UBE3D: variants seen among roughly 807,000 people sequenced by gnomAD.
The protein encoded by UBE3D is ubiquitin protein ligase E3D, also known as E3 ubiquitin-protein ligase E3D.
In UBE3D, 48 loss-of-function variants were observed where a neutral mutation model predicts 49.6. That is an observed-to-expected ratio of 0.97 (90% CI 0.77 to 1.23). The LOEUF is 1.23. Among genes scored for constraint, UBE3D ranks in the 50% most tolerant of loss-of-function variants. The probability of loss-of-function intolerance (pLI) is 0.00; values close to 1 mark genes in which losing one functional copy is unlikely to be tolerated. For missense variants in UBE3D, 452 were observed against 468.4 expected, an observed-to-expected ratio of 0.96 and a Z score of 0.32; for synonymous variants, 189 against 174.2, an observed-to-expected ratio of 1.08 and a Z score of -0.67.
At chr6:83,044,333 A>C in intron 4 of UBE3D, 95 bp downstream of exon 4, 1 of 1,185,902 alleles carries the variant, frequency 8.4e-7, no homozygotes. Context: ...CCTTTACAGC[A>C]GTCTATGTAA....
intron 8 of UBE3D, among the ~76,000 whole-genome samples, chr6:82,987,695 C>T (rs541518468): frequency 6.6e-6 from 1 of 152,260 alleles, no homozygotes; most frequent in South Asian, 2.1e-4. Context: ...TGAAGATGTA[C>T]TCTAAGGTCC....
chr6:82,943,510 C>T (rs1054201866), intron 9 of UBE3D, among the ~76,000 whole-genome samples: 10 of 152,008 alleles, frequency 6.6e-5, no homozygotes, highest in Non-Finnish European at 1.2e-4. Flanking sequence ...GTGGCATGTA[C>T]CCGTAGTCCC....
intron 8 of UBE3D, among the ~76,000 whole-genome samples, chr6:83,011,400 T>A (rs2127759379): frequency 1.3e-5 from 2 of 152,278 alleles, no homozygotes; most frequent in South Asian, 4.1e-4. Context: ...AGGTTGTGGT[T>A]TTTTTCCTGG....
chr6:82,950,320 T>C (rs924232869), intron 9 of UBE3D, among the ~76,000 whole-genome samples: 9 of 152,172 alleles, frequency 5.9e-5, no homozygotes, highest in African/African-American at 2.2e-4. Flanking sequence ...CAGGATATCA[T>C]CTCACACCAG....
At chr6:82,959,949 T>A (rs987869322) in intron 8 of UBE3D, among the ~76,000 whole-genome samples, 1 of 152,006 alleles carries the variant, frequency 6.6e-6, no homozygotes, top group Non-Finnish European at 1.5e-5. Context: ...AAATAGTTAA[T>A]CCTCTGGGAA....
intron 8 of UBE3D, among the ~76,000 whole-genome samples, chr6:83,015,059 G>A (rs1780602803): frequency 6.6e-6 from 1 of 152,126 alleles, no homozygotes; most frequent in Non-Finnish European, 1.5e-5. Flanking sequence ...TGACAGCTGA[G>A]TGCCACAACT....
intron 9 of UBE3D, among the ~76,000 whole-genome samples, chr6:82,946,298 C>T (rs1775395749): frequency 6.6e-6 from 1 of 151,960 alleles, no homozygotes; most frequent in South Asian, 2.1e-4. Context: ...AGATCCAATA[C>T]ACCTAGCAGC....
At chr6:82,993,050 C>T (rs1007392843) in intron 8 of UBE3D, among the ~76,000 whole-genome samples, 1 of 150,938 alleles carries the variant, frequency 6.6e-6, no homozygotes. Context: ...TATGAATACA[C>T]AAATAAATAA....
chr6:83,054,934 C>G (rs906842565), intron 2 of UBE3D, among the ~76,000 whole-genome samples: 1 of 152,320 alleles, frequency 6.6e-6, no homozygotes, highest in Non-Finnish European at 1.5e-5. Flanking sequence ...CAGGCGTGAG[C>G]CACCGTGCCC....
chr6:82,974,401 A>G (rs1313371723), intron 8 of UBE3D, among the ~76,000 whole-genome samples: 1 of 152,138 alleles, frequency 6.6e-6, no homozygotes, highest in East Asian at 1.9e-4. Flanking sequence ...GGTGCTCGCT[A>G]CACCCTTAAA....
rs951202930 is a variant in UBE3D, at chr6:82,923,407, C to T, written c.1150-30365G>A. Among the ~76,000 whole-genome samples the T allele has an allele frequency of 8.5e-5, 13 of 152,198 alleles. No homozygotes were observed. In the East Asian group the frequency reaches 2.1e-3, roughly 25 times the overall value. Reference sequence around the variant, plus strand: ...AAAAAGGATGAGTTCATGTCCTTTGCAGGCACACAGATGAAGCTAGAAACC... The same window carrying T: ...AAAAAGGATGAGTTCATGTCCTTTGTAGGCACACAGATGAAGCTAGAAACC... On this transcript the variant is annotated intron_variant, in intron 9 of 9. Coordinates refer to ENST00000369747, the MANE Select transcript of UBE3D (RefSeq NM_198920.3).
In UBE3D at chr6:82,892,845, A is replaced by C; in HGVS notation, c.*177T>G. Reference sequence around the variant, plus strand: ...CTGGGTTTTCAAAGATCTAAAGTTAACTCTTCTCTTAGAGAATACATGCAA... The same window carrying C: ...CTGGGTTTTCAAAGATCTAAAGTTACCTCTTCTCTTAGAGAATACATGCAA... On this transcript the variant is annotated 3_prime_UTR_variant, in exon 10 of 10. Transcript: ENST00000369747. 1 of 742,954 alleles carries C rather than the reference A, an allele frequency of 1.3e-6. No homozygotes were observed. The highest frequency in any genetic ancestry group is 2.3e-6 in the Non-Finnish European group (1 of 435,822). 46.0% of individuals were successfully genotyped at this position (742,954 alleles called of 1,614,324 possible).
Position 83,027,223 on chromosome 6 carries a change from G to A in UBE3D, c.668-3185C>T, listed in dbSNP as rs144465782. Among the ~76,000 whole-genome samples, 1,475 of 151,668 alleles carry A rather than the reference G, an allele frequency of 9.7e-3. 30 individuals carry two copies. Among genetic ancestry groups the A allele is most frequent in the African/African-American group, 0.034 (1,398 of 41,342 alleles). On this transcript the variant is annotated intron_variant, in intron 5 of 9. Coordinates refer to ENST00000369747, the MANE Select transcript of UBE3D (RefSeq NM_198920.3). Reference sequence around the variant, plus strand: ...GAGGCTGAGGCGGGAGGATCACAAGGTCAGGAGTTCAAGACCAGCCTGGCC... The same window carrying A: ...GAGGCTGAGGCGGGAGGATCACAAGATCAGGAGTTCAAGACCAGCCTGGCC...
intron 9 of UBE3D, among the ~76,000 whole-genome samples, chr6:82,911,030 C>A (rs563257973): frequency 6.6e-6 from 1 of 151,850 alleles, no homozygotes; most frequent in Non-Finnish European, 1.5e-5. Context: ...AATATAGACA[C>A]CACAGAGGTG....
In UBE3D at chr6:82,988,083, T is replaced by C. The variant is rs565851865; in HGVS notation, c.1011-30633A>G. Among the ~76,000 whole-genome samples, 5 of 152,344 alleles carry C rather than the reference T, an allele frequency of 3.3e-5. No individual in the cohort carries two copies. The South Asian group carries it at 1.0e-3, about 32-fold the overall frequency. The stretch of plus-strand genomic sequence containing the variant: ...ACAGTACTCATATTTAGTAAAAGTA[T>C]GTATGACAGTCAATAGTCTCTAGTC... On this transcript the variant is annotated intron_variant, in intron 8 of 9. Transcript: ENST00000369747.
chr6:82,930,413 T>C (rs1305438148), intron 9 of UBE3D, among the ~76,000 whole-genome samples: 1 of 152,134 alleles, frequency 6.6e-6, no homozygotes, highest in African/African-American at 2.4e-5. Flanking sequence ...TGGAACTGGG[T>C]AACAGGCAGA....
chr6:82,903,776 C>T (rs1771905168), intron 9 of UBE3D, among the ~76,000 whole-genome samples: 1 of 152,046 alleles, frequency 6.6e-6, no homozygotes, highest in Non-Finnish European at 1.5e-5. Flanking sequence ...GATCGCAAAA[C>T]AGTAATTAGC....
At chr6:82,997,059 T>C (rs1779293708) in intron 8 of UBE3D, among the ~76,000 whole-genome samples, 1 of 152,204 alleles carries the variant, frequency 6.6e-6, no homozygotes, top group Admixed American at 6.5e-5. Context: ...AGGAACAATC[T>C]GTACTAACTT....
chr6:82,974,159 A>G (rs1349880606), intron 8 of UBE3D, among the ~76,000 whole-genome samples: 1 of 152,064 alleles, frequency 6.6e-6, no homozygotes, highest in Non-Finnish European at 1.5e-5. Context: ...TTTTGCACCA[A>G]CCTACAATAG....
Sources: allele counts gnomAD v4.1 joint callset (sites outside exome capture counted in the v4.1 genomes callset), GRCh38; gene constraint gnomAD v4.1.1; transcripts MANE v1.5; gene names NCBI Gene and HGNC (gene_info 2026-07-23, HGNC 2026-07-21).